Variants in GRID2 observed in about 807,000 individuals in gnomAD.
GRID2 encodes glutamate ionotropic receptor delta type subunit 2.
GRID2 carries 33 observed loss-of-function variants against 114.8 expected under a neutral mutation model. That is an observed-to-expected ratio of 0.29 (90% CI 0.22 to 0.38). The LOEUF (loss-of-function observed/expected upper bound fraction) is 0.38, where lower values mean the gene tolerates loss of function less well. Ranked by LOEUF, GRID2 falls within the 10% of genes least tolerant of loss-of-function variation. GRID2 has a pLI of 1.00. For missense variants in GRID2, 1,184 were observed against 1,257.7 expected (o/e 0.94, Z 0.89); for synonymous variants, 505 against 449.9 (o/e 1.12, Z -1.55).
At chr4:93,619,793 G>A (rs1418921421) in intron 13 of GRID2, among the ~76,000 whole-genome samples, 1 of 152,042 alleles carries the variant, frequency 6.6e-6, no homozygotes, top group African/African-American at 2.4e-5. Context: ...CCTTAATACC[G>A]TGATCATATA....
intron 8 of GRID2, among the ~76,000 whole-genome samples, chr4:93,347,401 T>A (rs112907044): frequency 0.045 from 6,807 of 152,178 alleles, 178 homozygotes; most frequent in South Asian, 0.067. Flanking sequence ...TTTTAAAGTT[T>A]CATGTCTTTA....
chr4:92,648,448 C>A (rs1731754287), intron 2 of GRID2, among the ~76,000 whole-genome samples: 1 of 149,388 alleles, frequency 6.7e-6, no homozygotes, highest in African/African-American at 2.5e-5. Context: ...GGACACATAT[C>A]AGAAGTAGTT....
At chr4:93,096,729 A>G (rs1731260335) in intron 3 of GRID2, among the ~76,000 whole-genome samples, 1 of 152,030 alleles carries the variant, frequency 6.6e-6, no homozygotes, top group Non-Finnish European at 1.5e-5. Context: ...GTTGGAATGT[A>G]AAACATACAG....
At chr4:93,379,197 TC>T (rs1232456953) in intron 8 of GRID2, among the ~76,000 whole-genome samples, 1 of 152,100 alleles carries the variant, frequency 6.6e-6, no homozygotes, top group Non-Finnish European at 1.5e-5. Context: ...AACTGTATTA[TC>T]TAATCAAGTT....
At chr4:93,492,562 C>G (rs536587313) in intron 12 of GRID2, among the ~76,000 whole-genome samples, 1 of 151,854 alleles carries the variant, frequency 6.6e-6, no homozygotes, top group Admixed American at 6.6e-5. Context: ...TTCTCCAAAT[C>G]CTCAACTGGT....
chr4:93,035,262 C>G (rs145341900), intron 2 of GRID2, among the ~76,000 whole-genome samples: 1 of 151,964 alleles, frequency 6.6e-6, no homozygotes, highest in Non-Finnish European at 1.5e-5. Flanking sequence ...TGCACTACCA[C>G]GAGCATGCCT....
intron 14 of GRID2, among the ~76,000 whole-genome samples, chr4:93,767,990 G>A (rs1733807462): frequency 6.6e-6 from 1 of 152,104 alleles, no homozygotes. Flanking sequence ...TATGTGACTA[G>A]CCAGGAGGTC....
intron 2 of GRID2, among the ~76,000 whole-genome samples, chr4:92,913,497 C>T (rs1748541550): frequency 6.6e-6 from 1 of 151,860 alleles, no homozygotes; most frequent in African/African-American, 2.4e-5. Context: ...TGAACTCCCT[C>T]TGTTTTATAT....
At chr4:92,574,822 T>A (rs905898495) in intron 1 of GRID2, among the ~76,000 whole-genome samples, 7 of 152,102 alleles carry the variant, frequency 4.6e-5, no homozygotes, top group African/African-American at 1.7e-4. Context: ...TCTCATGGAG[T>A]ATCTTATTGG....
intron 1 of GRID2, among the ~76,000 whole-genome samples, chr4:92,440,615 A>G (rs1427539259): frequency 2.6e-5 from 4 of 151,854 alleles, no homozygotes; most frequent in Non-Finnish European, 5.9e-5. Context: ...GATTTCCACG[A>G]TGGAAAGGAA....
intron 8 of GRID2, among the ~76,000 whole-genome samples, chr4:93,244,555 T>C: frequency 2.3e-5 from 1 of 43,014 alleles, no homozygotes; most frequent in Non-Finnish European, 4.5e-5. Context: ...TAATAGATTA[T>C]ATAATCTATT....
rs941444073 is a variant in GRID2 at position 93,000,326 on chromosome 4, A to G, written c.245-84669A>G. ...ATAATTATATTTAAAATAATCTGAC[A>G]TCAGATTTTCAAAATAAATTTAAGA... On this transcript the variant is annotated intron_variant, in intron 2 of 15. Transcript: ENST00000282020. Among the ~76,000 whole-genome samples, 3 of 151,710 alleles carry G rather than the reference A, an allele frequency of 2.0e-5. No individual in the cohort carries two copies. In the South Asian group the frequency reaches 6.2e-4, roughly 31 times the overall value.
chr4:92,482,822 T>C (rs754151011), intron 1 of GRID2, among the ~76,000 whole-genome samples: 1 of 151,654 alleles, frequency 6.6e-6, no homozygotes, highest in Non-Finnish European at 1.5e-5. Context: ...ACTTAAACAA[T>C]GTATTATTTT....
chr4:92,445,945 T>A (rs1733439005), intron 1 of GRID2, among the ~76,000 whole-genome samples: 1 of 152,172 alleles, frequency 6.6e-6, no homozygotes, highest in Admixed American at 6.5e-5. Flanking sequence ...TATCTCATAT[T>A]TTTTGTTTGT....
intron 2 of GRID2, among the ~76,000 whole-genome samples, chr4:92,610,678 T>C (rs1326443830): frequency 2.0e-5 from 3 of 151,662 alleles, no homozygotes; most frequent in Non-Finnish European, 3.0e-5. Flanking sequence ...CAAAATCCAT[T>C]TGTAGAACTT....
intron 4 of GRID2, among the ~76,000 whole-genome samples, chr4:93,159,693 A>ATTTT (rs34480915): frequency 7.6e-6 from 1 of 131,092 alleles, no homozygotes; most frequent in East Asian, 2.2e-4. Flanking sequence ...TTCCATCTGC[A>ATTTT]TTTTTTTTTT....
At chr4:92,736,802 G>A (rs753408228) in intron 2 of GRID2, among the ~76,000 whole-genome samples, 5 of 152,066 alleles carry the variant, frequency 3.3e-5, no homozygotes, top group Non-Finnish European at 5.9e-5. Flanking sequence ...CTTACAAAGA[G>A]AGTAAAGTGA....
chr4:93,075,884 T>TG (rs1491329436), intron 2 of GRID2, among the ~76,000 whole-genome samples: 2 of 11,248 alleles, frequency 1.8e-4, no homozygotes, highest in African/African-American at 7.3e-4. Flanking sequence ...GTTACCTCTC[T>TG]TTTTTTTTTT....
chr4:93,074,572 A>G (rs1164331950), intron 2 of GRID2, among the ~76,000 whole-genome samples: 4 of 152,192 alleles, frequency 2.6e-5, no homozygotes. Flanking sequence ...ATTGACAATC[A>G]CAGCTTCTAC....
Sources: gnomAD v4.1 joint callset for allele counts (sites outside exome capture counted in the v4.1 genomes callset) on GRCh38, gnomAD v4.1.1 for gene constraint, MANE v1.5 for transcripts, NCBI Gene and HGNC (gene_info 2026-07-23, HGNC 2026-07-21) for gene names.